Variants in TBC1D22A observed in about 807,000 individuals in gnomAD.
TBC1D22A encodes the protein putative GTPase activator.
TBC1D22A carries 38 observed loss-of-function variants against 60.2 expected under a neutral mutation model. The ratio of observed to expected loss-of-function variants is 0.63; its 90% CI spans 0.49 to 0.83. The LOEUF (loss-of-function observed/expected upper bound fraction) is 0.83, where lower values mean the gene tolerates loss of function less well. TBC1D22A is among the 40% of genes least tolerant of loss of function. The pLI is 0.00. For synonymous variants in TBC1D22A, 302 were observed against 281.7 expected (o/e 1.07, Z -0.72); for missense variants, 628 against 701.0 (o/e 0.90, Z 1.18).
intron 4 of TBC1D22A, 74 bp from the exon 5 acceptor site, chr22:46,878,579 T>A: frequency 8.0e-7 from 1 of 1,245,384 alleles, no homozygotes; most frequent in South Asian, 1.2e-5. Context: ...ACAGGTGGAA[T>A]GTGTTAAAGC....
At chr22:46,801,408 A>G (rs1317080132) in intron 4 of TBC1D22A, among the ~76,000 whole-genome samples, 1 of 152,256 alleles carries the variant, frequency 6.6e-6, no homozygotes, top group Non-Finnish European at 1.5e-5. Context: ...CCTGCTGAAT[A>G]TCATTCTGTC....
intron 4 of TBC1D22A, among the ~76,000 whole-genome samples, chr22:46,832,470 G>A (rs1321113913): frequency 6.6e-6 from 1 of 152,132 alleles, no homozygotes; most frequent in Non-Finnish European, 1.5e-5. Flanking sequence ...CCAACATGGT[G>A]AAACCCTGTC....
At chr22:46,845,669 A>T (rs773718463) in intron 4 of TBC1D22A, among the ~76,000 whole-genome samples, 1 of 152,232 alleles carries the variant, frequency 6.6e-6, no homozygotes, top group African/African-American at 2.4e-5. Context: ...CCAGCTCTTC[A>T]TGTAGCGATT....
chr22:46,766,005 G>A (rs801636), intron 1 of TBC1D22A, among the ~76,000 whole-genome samples: 89,232 of 138,282 alleles, frequency 0.65, 27,959 homozygotes, highest in African/African-American at 0.74. Flanking sequence ...GTGTGTGTGT[G>A]TATTTTTTTT....
chr22:47,070,877 G>C (rs866448203), intron 11 of TBC1D22A, among the ~76,000 whole-genome samples: 3 of 130,334 alleles, frequency 2.3e-5, no homozygotes, highest in Non-Finnish European at 5.0e-5. Context: ...GCTGGAGCGG[G>C]GCTGACCTGA....
chr22:46,892,130 T>C (rs2147607245), intron 6 of TBC1D22A, among the ~76,000 whole-genome samples: 1 of 152,322 alleles, frequency 6.6e-6, no homozygotes, highest in African/African-American at 2.4e-5. Flanking sequence ...TGGTGGTTCT[T>C]AATTGGTATT....
chr22:47,031,374 A>G (rs1036462880), intron 10 of TBC1D22A, among the ~76,000 whole-genome samples: 2 of 152,140 alleles, frequency 1.3e-5, no homozygotes, highest in African/African-American at 2.4e-5. Context: ...TTGCTTTCAG[A>G]GGCAACCCTG....
intron 7 of TBC1D22A, among the ~76,000 whole-genome samples, chr22:46,897,035 G>A (rs1254081864): frequency 2.6e-5 from 4 of 152,088 alleles, no homozygotes; most frequent in African/African-American, 9.7e-5. Context: ...CATTTTTAAT[G>A]CTTTTCAGTG....
chr22:46,763,240 G>GGATGT (rs1244859715), intron 1 of TBC1D22A: 1 of 209,966 alleles, frequency 4.8e-6, no homozygotes, highest in African/African-American at 2.3e-5. Flanking sequence ...TTTCTGCAGG[G>GGATGT]GGTGTGGTGT....
intron 11 of TBC1D22A, among the ~76,000 whole-genome samples, chr22:47,049,624 C>G (rs2063143788): frequency 6.6e-6 from 1 of 152,216 alleles, no homozygotes; most frequent in African/African-American, 2.4e-5. Flanking sequence ...CCATCCTTTT[C>G]TACGAGTTTT....
At chr22:46,894,029 G>A (rs1056070350) in intron 6 of TBC1D22A, among the ~76,000 whole-genome samples, 26 of 152,340 alleles carry the variant, frequency 1.7e-4, no homozygotes, top group African/African-American at 5.8e-4. Context: ...GCAAGGATGG[G>A]GCGAAATGAA....
intron 4 of TBC1D22A, among the ~76,000 whole-genome samples, chr22:46,877,697 A>G (rs1022771582): frequency 6.6e-6 from 1 of 152,256 alleles, no homozygotes; most frequent in Non-Finnish European, 1.5e-5. Context: ...CTCTTTAATC[A>G]TTTCTTTTAT....
chr22:46,900,669 T>C (rs1379939832), intron 7 of TBC1D22A, among the ~76,000 whole-genome samples: 2 of 152,162 alleles, frequency 1.3e-5, no homozygotes, highest in Non-Finnish European at 2.9e-5. Flanking sequence ...TGTGTCTTCT[T>C]TTACTTAGTG....
chr22:47,031,687 CTTGTGTGCACCT>C (rs1327324031), intron 10 of TBC1D22A, among the ~76,000 whole-genome samples: 1 of 152,184 alleles, frequency 6.6e-6, no homozygotes, highest in Non-Finnish European at 1.5e-5. Context: ...CGCCTGCCTC[CTTGTGTGCACCT>C]TTGGACAGGT....
chr22:47,158,319 G>A (rs1251994603), intron 12 of TBC1D22A, among the ~76,000 whole-genome samples: 1 of 152,222 alleles, frequency 6.6e-6, no homozygotes, highest in African/African-American at 2.4e-5. Context: ...GAAAGTCCCA[G>A]GTAGAGGAGT....
At chr22:46,882,275 G>A (rs909509588) in intron 5 of TBC1D22A, among the ~76,000 whole-genome samples, 4 of 152,190 alleles carry the variant, frequency 2.6e-5, no homozygotes, top group Non-Finnish European at 5.9e-5. Flanking sequence ...GGCTAGGCAG[G>A]GAATGGGAGG....
At chr22:46,779,465 G>T (rs1384744845) in intron 1 of TBC1D22A, among the ~76,000 whole-genome samples, 1 of 152,028 alleles carries the variant, frequency 6.6e-6, no homozygotes, top group Non-Finnish European at 1.5e-5. Context: ...CACCATGTTG[G>T]CCAGGCTGGT....
At chr22:47,021,913 C>T (rs1420956282) in intron 10 of TBC1D22A, among the ~76,000 whole-genome samples, 1 of 152,248 alleles carries the variant, frequency 6.6e-6, no homozygotes, top group East Asian at 1.9e-4. Flanking sequence ...ACCCCGCCCA[C>T]TGTTGGCAGG....
At chr22:46,904,388 G>A (rs1416330375) in intron 7 of TBC1D22A, among the ~76,000 whole-genome samples, 1 of 152,046 alleles carries the variant, frequency 6.6e-6, no homozygotes, top group Non-Finnish European at 1.5e-5. Flanking sequence ...ATAATTTCAG[G>A]GTAACCCTCG....
Sources: allele counts gnomAD v4.1 joint callset (sites outside exome capture counted in the v4.1 genomes callset), GRCh38; gene constraint gnomAD v4.1.1; transcripts MANE v1.5; gene names NCBI Gene and HGNC (gene_info 2026-07-23, HGNC 2026-07-21).